Variants in EXOC4 observed in about 807,000 individuals in gnomAD.
The protein encoded by EXOC4 is SEC8-like 1.
A neutral mutation model predicts 107.2 loss-of-function variants in EXOC4; 71 were observed. That is an observed-to-expected ratio of 0.66 (90% CI 0.55 to 0.81). EXOC4 has a LOEUF of 0.81. Among genes scored for constraint, EXOC4 ranks in the 30% least tolerant of loss-of-function variants. The pLI is 0.00. For missense variants in EXOC4, 1,108 were observed against 1,189.6 expected, an observed-to-expected ratio of 0.93 and a Z score of 1.01; for synonymous variants, 456 against 441.2, an observed-to-expected ratio of 1.03 and a Z score of -0.42.
At chr7:133,817,253 C>T in intron 10 of EXOC4, 72 bp from the exon 11 acceptor site, 2 of 1,031,076 alleles carry the variant, frequency 1.9e-6, no homozygotes, top group African/African-American at 1.6e-5. Context: ...TAGATATACT[C>T]ATGTCCTCAT....
chr7:133,431,919 T>C (rs1184321211), intron 7 of EXOC4, among the ~76,000 whole-genome samples: 1 of 152,252 alleles, frequency 6.6e-6, no homozygotes, highest in Non-Finnish European at 1.5e-5. Context: ...TTAAAACTCA[T>C]TCCAGGGAGC....
chr7:133,342,627 T>G (rs1352643140), intron 5 of EXOC4, among the ~76,000 whole-genome samples: 1 of 152,192 alleles, frequency 6.6e-6, no homozygotes, highest in African/African-American at 2.4e-5. Flanking sequence ...TTCCAAACTT[T>G]TAGATTTTTC....
intron 15 of EXOC4, among the ~76,000 whole-genome samples, chr7:134,002,531 C>T (rs1003200549): frequency 6.6e-6 from 1 of 151,936 alleles, no homozygotes; most frequent in Non-Finnish European, 1.5e-5. Flanking sequence ...AAAATACAAG[C>T]CAAAGACCAG....
intron 11 of EXOC4, among the ~76,000 whole-genome samples, chr7:133,825,589 A>C (rs1432274902): frequency 6.6e-6 from 1 of 152,216 alleles, no homozygotes; most frequent in Non-Finnish European, 1.5e-5. Flanking sequence ...AAGCTAAGGC[A>C]CTGCCAGTAA....
rs774026136 is a variant in EXOC4, at chr7:133,274,983, ACT to A, written c.91_92del (p.Leu31ValfsTer3). 14 of 1,597,834 alleles carry A rather than the reference ACT, an allele frequency of 8.8e-6. No homozygotes were observed. The highest frequency in any genetic ancestry group is 1.2e-5 in the Non-Finnish European group (14 of 1,172,240). ...PSGLLISVIR[T>X]LSTSDDVEDR... is the part of the protein sequence containing the mutation. ...TGATATACTCTCTGCCTTCACCAGG[ACT>A]CTGTCTACTAGTGACGATGTCGAAG... On this transcript the variant is annotated frameshift_variant and splice_region_variant, in exon 2 of 18. Coordinates refer to ENST00000253861, the MANE Select transcript of EXOC4 (RefSeq NM_021807.4). LOFTEE classifies it high-confidence loss of function.
intron 12 of EXOC4, among the ~76,000 whole-genome samples, chr7:133,903,364 C>G (rs7783179): frequency 0.62 from 94,297 of 152,090 alleles, 31,662 homozygotes; most frequent in African/African-American, 0.89. Flanking sequence ...CTAAAGGCCA[C>G]AGTGGTAACC....
chr7:133,751,027 G>C (rs1028212102), intron 10 of EXOC4, among the ~76,000 whole-genome samples: 2 of 152,142 alleles, frequency 1.3e-5, no homozygotes, highest in Non-Finnish European at 1.5e-5. Flanking sequence ...GGACCATTTT[G>C]GAAGAAAGTA....
chr7:133,804,077 C>T (rs1797013193), intron 10 of EXOC4, among the ~76,000 whole-genome samples: 2 of 152,142 alleles, frequency 1.3e-5, no homozygotes, highest in South Asian at 2.1e-4. Context: ...AAAGGCAATA[C>T]TGTCTTCCAA....
chr7:133,771,886 A>G (rs1036251676), intron 10 of EXOC4, among the ~76,000 whole-genome samples: 4 of 151,958 alleles, frequency 2.6e-5, no homozygotes, highest in African/African-American at 9.7e-5. Flanking sequence ...TAATAAGACA[A>G]CAAAATTCAT....
At chr7:133,697,354 A>G (rs1794558484) in intron 10 of EXOC4, among the ~76,000 whole-genome samples, 1 of 152,174 alleles carries the variant, frequency 6.6e-6, no homozygotes, top group Non-Finnish European at 1.5e-5. Context: ...GCACTTCAAT[A>G]TAGATTATCT....
At chr7:133,475,556 C>CT in intron 8 of EXOC4, 83 bp downstream of exon 8, 1 of 1,214,698 alleles carries the variant, frequency 8.2e-7, no homozygotes. Context: ...ATAGCCATAA[C>CT]TTTGTCTAGC....
At chr7:133,502,695 G>C (rs1401305599) in intron 9 of EXOC4, among the ~76,000 whole-genome samples, 1 of 152,100 alleles carries the variant, frequency 6.6e-6, no homozygotes, top group Non-Finnish European at 1.5e-5. Context: ...GCAACCGCAG[G>C]TTTGCTGTAA....
At chr7:133,492,329 G>A (rs913623329) in intron 9 of EXOC4, among the ~76,000 whole-genome samples, 3 of 152,158 alleles carry the variant, frequency 2.0e-5, no homozygotes, top group African/African-American at 7.2e-5. Context: ...GGTGTCTTGG[G>A]TAGGTAATGA....
At chr7:133,254,275 C>A (rs73165664) in intron 1 of EXOC4, among the ~76,000 whole-genome samples, 25,428 of 152,126 alleles carry the variant, frequency 0.17, 2,374 homozygotes, top group Non-Finnish European at 0.22. Flanking sequence ...CCTATTAAAT[C>A]ATTACTTTAA....
chr7:133,825,279 C>A (rs1196451377), intron 11 of EXOC4, among the ~76,000 whole-genome samples: 1 of 151,932 alleles, frequency 6.6e-6, no homozygotes, highest in Non-Finnish European at 1.5e-5. Context: ...AGGGTTGGAT[C>A]ACTTAAGCTC....
intron 10 of EXOC4, among the ~76,000 whole-genome samples, chr7:133,722,652 G>A (rs1445118681): frequency 2.0e-5 from 3 of 152,266 alleles, no homozygotes; most frequent in South Asian, 2.1e-4. Context: ...CATTGGGGAA[G>A]GGAAAATAAT....
chr7:134,033,215 G>A lies in EXOC4; in HGVS notation c.2687+25380G>A, dbSNP rs189077160. Among the ~76,000 whole-genome samples the A allele has an allele frequency of 1.6e-3, 248 of 151,900 alleles. 1 individual carries two copies. The highest frequency in any genetic ancestry group is 1.4e-3 in the Non-Finnish European group (96 of 67,964). ...AAATGTCAGAGTGCCAAGAGAAACCGAAAATAGAGACTAATGAAAATTTTC... is the reference window on the plus strand; with the variant it reads ...AAATGTCAGAGTGCCAAGAGAAACCAAAAATAGAGACTAATGAAAATTTTC... On this transcript the variant is annotated intron_variant, in intron 17 of 17. Coordinates refer to ENST00000253861, the MANE Select transcript of EXOC4 (RefSeq NM_021807.4).
chr7:133,999,599 C>T (rs1466227308), intron 15 of EXOC4, among the ~76,000 whole-genome samples: 1 of 152,046 alleles, frequency 6.6e-6, no homozygotes, highest in African/African-American at 2.4e-5. Flanking sequence ...TTTCTATGAA[C>T]AAATATTTGC....
intron 8 of EXOC4, chr7:133,478,995 T>G (rs933116690): frequency 1.3e-5 from 2 of 152,200 alleles, no homozygotes; most frequent in African/African-American, 4.8e-5. Flanking sequence ...GTATTCATGT[T>G]CCTTGTCAAG....
Sources: allele counts gnomAD v4.1 joint callset (sites outside exome capture counted in the v4.1 genomes callset), GRCh38; gene constraint gnomAD v4.1.1; transcripts MANE v1.5; gene names NCBI Gene and HGNC (gene_info 2026-07-23, HGNC 2026-07-21).